Variants in EBNA1BP2 observed in about 807,000 individuals in gnomAD.
The protein encoded by EBNA1BP2 is probable rRNA-processing protein EBP2.
A neutral mutation model predicts 43.5 loss-of-function variants in EBNA1BP2; 36 were observed. The ratio of observed to expected loss-of-function variants is 0.83; its 90% confidence interval spans 0.63 to 1.09. The LOEUF (loss-of-function observed/expected upper bound fraction) is 1.09, where lower values mean the gene tolerates loss of function less well. Ranked by LOEUF, EBNA1BP2 falls within the 50% of genes least tolerant of loss-of-function variation. EBNA1BP2 has a pLI of 0.00. For synonymous variants in EBNA1BP2, 127 were observed against 141.3 expected (o/e 0.90, Z 0.72); for missense variants, 332 against 379.1 (o/e 0.88, Z 1.03).
At chr1:43,169,436 T>C (rs1168265795) in intron 4 of EBNA1BP2, among the ~76,000 whole-genome samples, 1 of 152,280 alleles carries the variant, frequency 6.6e-6, no homozygotes, top group Non-Finnish European at 1.5e-5. Context: ...CAGTCAAACA[T>C]ACACATTTTA....
chr1:43,166,561 C>T (rs1644919365), intron 7 of EBNA1BP2, among the ~76,000 whole-genome samples: 1 of 152,108 alleles, frequency 6.6e-6, no homozygotes, highest in South Asian at 2.1e-4. Flanking sequence ...TGAGCCAAGA[C>T]TGTACCAGTG....
At chr1:43,170,671 T>C in intron 4 of EBNA1BP2, 85 bp downstream of exon 4, 1 of 1,528,336 alleles carries the variant, frequency 6.5e-7, no homozygotes, top group Non-Finnish European at 8.7e-7. Flanking sequence ...TCCCCGTTAT[T>C]GGGCTCATAG....
chr1:43,171,736 G>T, intron 2 of EBNA1BP2, 85 bp from the exon 3 acceptor site: 1 of 1,573,868 alleles, frequency 6.4e-7, no homozygotes, highest in Non-Finnish European at 8.6e-7. Context: ...AAGGGACAAA[G>T]TGCTAATCCC....
At chr1:43,171,080 G>A (rs1480637848) in intron 3 of EBNA1BP2, 2 of 686,830 alleles carry the variant, frequency 2.9e-6, no homozygotes, top group African/African-American at 3.8e-5. Flanking sequence ...AAAAGGGGAG[G>A]GGTGTTGCTA....
rs764242768 is a variant in EBNA1BP2, at chr1:43,171,935, G to A, written c.101C>T (p.Pro34Leu). 1.9e-6 allele frequency: 3 copies of A among 1,614,166 alleles called. No individual in the cohort carries two copies. In the East Asian group the frequency reaches 6.7e-5, roughly 36 times the overall value. ...QDAFSRGLLK[P>L]GLNVVLEGPK... ...CCCCTCTAGCACGACATTGAGGCCT[G>A]GCTTCAGAAGCCCTCGGGAAAACGC... Residue 34 changes from proline to leucine, a missense_variant, in exon 2 of 9, where the codon CCA (proline) becomes CTA (leucine). By Grantham distance (98) the Pro-to-Leu change is moderately conservative. Coordinates refer to ENST00000236051, the MANE Select transcript of EBNA1BP2 (RefSeq NM_006824.3).
intron 7 of EBNA1BP2, 125 bp downstream of exon 7, chr1:43,166,701 G>C (rs1449442536): frequency 3.2e-6 from 3 of 933,180 alleles, no homozygotes; most frequent in East Asian, 4.9e-5. Flanking sequence ...CCTGGCCCCA[G>C]GCAGCAGCTG....
chr1:43,170,859 G>A lies in EBNA1BP2; in HGVS notation c.344C>T (p.Ala115Val), dbSNP rs980316904. The change falls in exon 4 of 9, where the codon GCA becomes GTA. Residue 115 changes from alanine (A) to valine (V), a missense_variant. By Grantham distance (64) the Ala-to-Val change is moderately conservative. Transcript: ENST00000236051. ...EMSFYRQAQAAVLAVLPRLHQ... is the reference protein window; with the variant it reads ...EMSFYRQAQAVVLAVLPRLHQ... ...GAGGCGGGGTAAGACTGCAAGCACT[G>A]CGGCCTGGGCTTGGCGATAGCTGAG... 2.5e-6 allele frequency: 4 copies of A among 1,585,954 alleles called. No individual in the cohort carries two copies. In the African/African-American group the frequency reaches 4.1e-5, roughly 16 times the overall value.
chr1:43,168,775 T>C (rs948026153), intron 5 of EBNA1BP2, among the ~76,000 whole-genome samples, 164 bp downstream of exon 5: 1 of 152,096 alleles, frequency 6.6e-6, no homozygotes, highest in Admixed American at 6.6e-5. Flanking sequence ...ACCACTCATG[T>C]CCAGGCAAGA....
intron 7 of EBNA1BP2, among the ~76,000 whole-genome samples, chr1:43,166,512 G>A (rs1190039453): frequency 2.0e-5 from 3 of 152,142 alleles, no homozygotes; most frequent in Non-Finnish European, 4.4e-5. Context: ...AGGAGGCTGA[G>A]GCACAGAATT....
chr1:43,171,813 C>A lies in EBNA1BP2; in HGVS notation c.150+73G>T, dbSNP rs1644977883. Reference sequence around the variant, plus strand: ...GGTGCATCTTTCCTGGGACAAGAATCGGTCTCCCAAGCCCAACAGCGCCTG... The same window carrying A: ...GGTGCATCTTTCCTGGGACAAGAATAGGTCTCCCAAGCCCAACAGCGCCTG... On this transcript the variant is annotated intron_variant, in intron 2 of 8. Coordinates refer to ENST00000236051, the MANE Select transcript of EBNA1BP2 (RefSeq NM_006824.3). The A allele has an allele frequency of 2.3e-5, 36 of 1,586,250 alleles. No homozygotes were observed. In the South Asian group the frequency reaches 4.1e-4, roughly 18 times the overall value.
At chr1:43,171,815 G>A in intron 2 of EBNA1BP2, 71 bp downstream of exon 2, 1 of 1,588,510 alleles carries the variant, frequency 6.3e-7, no homozygotes, top group South Asian at 1.1e-5. Flanking sequence ...ACAAGAATCG[G>A]TCTCCCAAGC....
Position 43,170,715 on chromosome 1 carries a change from A to G in EBNA1BP2, c.447+41T>C, listed in dbSNP as rs1323697246. ...CTAAGCCAGCTGAATATGCTTAAGTACAAAGTTTTGACTTTCCAGAGGAAA... is the reference window on the plus strand; with the variant it reads ...CTAAGCCAGCTGAATATGCTTAAGTGCAAAGTTTTGACTTTCCAGAGGAAA... On this transcript the variant is annotated intron_variant, in intron 4 of 8. Transcript: ENST00000236051. 3.8e-6 allele frequency: 6 copies of G among 1,590,802 alleles called. No individual in the cohort carries two copies. In the African/African-American group the frequency reaches 8.2e-5, roughly 22 times the overall value.
rs1260512171 is a variant in EBNA1BP2, at chr1:43,171,904, C to T, written c.132G>A (p.Lys44=). 1 of 1,614,134 alleles carries T rather than the reference C, an allele frequency of 6.2e-7. No individual in the cohort carries two copies. Among genetic ancestry groups the T allele is most frequent in the Non-Finnish European group, 8.5e-7 (1 of 1,179,980 alleles). ...PGLNVVLEGP[K]KAVNDVNGLK... ...CGCTCACCACGTCGTTCACGGCCTT[C>T]TTCGGCCCCTCTAGCACGACATTGA... is the stretch of plus-strand genomic sequence containing the variant. Residue 44 remains lysine (K), a synonymous_variant, in exon 2 of 9, where the codon AAG becomes AAA. Coordinates refer to ENST00000236051, the MANE Select transcript of EBNA1BP2 (RefSeq NM_006824.3).
intron 6 of EBNA1BP2, 63 bp from the exon 7 acceptor site, chr1:43,166,982 C>T (rs1189676648): frequency 6.4e-7 from 1 of 1,560,190 alleles, no homozygotes; most frequent in Non-Finnish European, 8.8e-7. Flanking sequence ...GTTTAAACCA[C>T]CATATGAGGC....
Position 43,171,875 on chromosome 1 carries a change from C to A in EBNA1BP2, c.150+11G>T. 6.2e-7 allele frequency: 1 copy of A among 1,613,484 alleles called. No homozygotes were observed. The highest frequency in any genetic ancestry group is 8.5e-7 in the Non-Finnish European group (1 of 1,179,678). ...ATGTCCGAGTACCCCCGACCCTGTG[C>A]CCACGCTCACCACGTCGTTCACGGC... On this transcript the variant is annotated intron_variant, in intron 2 of 8. Transcript: ENST00000236051.
intron 6 of EBNA1BP2, 90 bp downstream of exon 6, chr1:43,167,070 A>T (rs1644923834): frequency 6.6e-7 from 1 of 1,513,138 alleles, no homozygotes; most frequent in African/African-American, 1.4e-5. Context: ...CGACAGGTCC[A>T]CATCAACCAA....
At chr1:43,171,999 G>C (rs771479358) in intron 1 of EBNA1BP2, 30 bp from the exon 2 acceptor site, 1 of 1,614,052 alleles carries the variant, frequency 6.2e-7, no homozygotes, top group African/African-American at 1.3e-5. Context: ...TCACTCCCAG[G>C]GGTGTAAGGC....
chr1:43,169,059 A>G, intron 4 of EBNA1BP2, 31 bp from the exon 5 acceptor site: 5 of 1,609,186 alleles, frequency 3.1e-6, no homozygotes, highest in Non-Finnish European at 4.3e-6. Flanking sequence ...AGTTCATGTC[A>G]TTTGAATCTG....
At chr1:43,171,014 A>G (rs1309532752) in intron 3 of EBNA1BP2, 135 bp from the exon 4 acceptor site, 3 of 1,285,904 alleles carry the variant, frequency 2.3e-6, no homozygotes, top group Non-Finnish European at 3.1e-6. Flanking sequence ...CAAACAAACA[A>G]AAACTGTCTC....
Sources: allele counts gnomAD v4.1 joint callset (sites outside exome capture counted in the v4.1 genomes callset), GRCh38; gene constraint gnomAD v4.1.1; transcripts MANE v1.5; gene names NCBI Gene and HGNC (gene_info 2026-07-23, HGNC 2026-07-21).